SCFD2: variants seen among roughly 807,000 people sequenced by gnomAD.
The protein encoded by SCFD2 is sec1 family domain-containing protein 2.
In SCFD2, 54 loss-of-function variants were observed where a neutral mutation model predicts 58.9. The ratio of observed to expected loss-of-function variants is 0.92; its 90% CI spans 0.74 to 1.15. The LOEUF is 1.15. SCFD2 is among the 50% of genes most tolerant of loss of function. SCFD2 has a pLI of 0.00. For synonymous variants in SCFD2, 321 were observed against 335.9 expected (o/e 0.96, Z 0.49); for missense variants, 805 against 836.6 (o/e 0.96, Z 0.47).
chr4:53,230,279 C>A (rs1295195359), intron 4 of SCFD2, among the ~76,000 whole-genome samples: 1 of 152,124 alleles, frequency 6.6e-6, no homozygotes, highest in Non-Finnish European at 1.5e-5. Context: ...TGGGTATATA[C>A]CCAAAGGATT....
chr4:53,052,521 T>C (rs1310890204), intron 5 of SCFD2, among the ~76,000 whole-genome samples: 2 of 152,172 alleles, frequency 1.3e-5, no homozygotes, highest in African/African-American at 4.8e-5. Context: ...GACTGTGCAT[T>C]ATCAACTGGA....
chr4:53,342,902 GA>G (rs1560457533), intron 2 of SCFD2, among the ~76,000 whole-genome samples: 1 of 152,176 alleles, frequency 6.6e-6, no homozygotes, highest in African/African-American at 2.4e-5. Context: ...GATGTTCTTT[GA>G]AACCAATGAG....
intron 5 of SCFD2, among the ~76,000 whole-genome samples, chr4:53,102,628 TG>T (rs1370778504): frequency 6.6e-6 from 1 of 152,034 alleles, no homozygotes; most frequent in African/African-American, 2.4e-5. Flanking sequence ...TATGAAAATA[TG>T]TTCAATTTTA....
At chr4:52,957,553 C>T (rs1415671940) in intron 5 of SCFD2, 3 of 152,236 alleles carry the variant, frequency 2.0e-5, no homozygotes, top group South Asian at 2.1e-4. Context: ...ACATACTAAC[C>T]GGCTCCAATA....
chr4:52,890,267 A>T (rs1325513319), intron 7 of SCFD2, among the ~76,000 whole-genome samples: 2 of 152,228 alleles, frequency 1.3e-5, no homozygotes, highest in African/African-American at 4.8e-5. Context: ...TCTTGGAAGG[A>T]TGTATTGACA....
chr4:53,196,456 C>G (rs765992659), intron 4 of SCFD2, among the ~76,000 whole-genome samples: 1 of 152,044 alleles, frequency 6.6e-6, no homozygotes, highest in Non-Finnish European at 1.5e-5. Context: ...CCAATGAACC[C>G]CATGGTTTTT....
At chr4:53,334,915 G>C (rs939804419) in intron 2 of SCFD2, among the ~76,000 whole-genome samples, 1 of 152,054 alleles carries the variant, frequency 6.6e-6, no homozygotes, top group African/African-American at 2.4e-5. Flanking sequence ...GCAATAAACA[G>C]GCAGGGCGCG....
At chr4:53,145,203 A>C in intron 5 of SCFD2, 130 bp downstream of exon 5, 4 of 1,150,920 alleles carry the variant, frequency 3.5e-6, no homozygotes, top group South Asian at 3.0e-5. Flanking sequence ...GCTAGCATTC[A>C]TCAGGCCTCA....
rs183852300 is a variant in SCFD2 at position 52,899,969 on chromosome 4, C to T, written c.1842+7488G>A. Among the ~76,000 whole-genome samples the T allele has an allele frequency of 4.9e-3, 742 of 152,274 alleles. 8 individuals are homozygous for T. The highest frequency in any genetic ancestry group is 0.016 in the African/African-American group (658 of 41,546). On this transcript the variant is annotated intron_variant, in intron 7 of 8. Coordinates refer to ENST00000401642, the MANE Select transcript of SCFD2 (RefSeq NM_152540.4). ...GTTACTTAGGCTTGTGCATTCGTCACGTAGTTCTCGTGCCGTGGTTGTCAG... is the reference window on the plus strand; with the variant it reads ...GTTACTTAGGCTTGTGCATTCGTCATGTAGTTCTCGTGCCGTGGTTGTCAG...
At chr4:53,147,254 C>G (rs1156333569) in intron 4 of SCFD2, among the ~76,000 whole-genome samples, 1 of 152,100 alleles carries the variant, frequency 6.6e-6, no homozygotes, top group Admixed American at 6.5e-5. Context: ...TAAAGAAATA[C>G]CAATAGAAAC....
intron 5 of SCFD2, among the ~76,000 whole-genome samples, chr4:53,104,692 C>T (rs1724934895): frequency 6.6e-6 from 1 of 152,096 alleles, no homozygotes; most frequent in African/African-American, 2.4e-5. Flanking sequence ...CATCTAAAAC[C>T]ATTCTAAAAA....
At chr4:53,120,509 T>C (rs1042045617) in intron 5 of SCFD2, among the ~76,000 whole-genome samples, 1 of 152,182 alleles carries the variant, frequency 6.6e-6, no homozygotes, top group Non-Finnish European at 1.5e-5. Flanking sequence ...GATAGAAGCA[T>C]TAATAACTTG....
intron 5 of SCFD2, among the ~76,000 whole-genome samples, chr4:52,989,433 T>C (rs1157679642): frequency 3.9e-5 from 6 of 152,352 alleles, no homozygotes; most frequent in African/African-American, 9.6e-5. Context: ...TTTAATATTA[T>C]ATGATAGTGT....
At chr4:52,987,373 G>C (rs1020307026) in intron 5 of SCFD2, among the ~76,000 whole-genome samples, 1 of 152,196 alleles carries the variant, frequency 6.6e-6, no homozygotes, top group Admixed American at 6.5e-5. Context: ...TTTTGTTGTA[G>C]TTATTTAATA....
chr4:52,964,041 G>A (rs921491850), intron 5 of SCFD2, among the ~76,000 whole-genome samples: 10 of 152,096 alleles, frequency 6.6e-5, no homozygotes, highest in African/African-American at 2.4e-4. Context: ...ATAATATAAA[G>A]ATTGTATTCA....
chr4:53,365,345 G>A lies in SCFD2; in HGVS notation c.597C>T (p.Ser199=). 1 of 1,614,164 alleles carries A rather than the reference G, an allele frequency of 6.2e-7. No individual in the cohort carries two copies. Among genetic ancestry groups the A allele is most frequent in the Non-Finnish European group, 8.5e-7 (1 of 1,180,032 alleles). The change falls in exon 1 of 9, where the codon AGC becomes AGT. Residue 199 remains serine, a synonymous_variant. Transcript: ENST00000401642. The surrounding 1 kb of genome is among the most constrained non-coding windows in gnomAD (Gnocchi z 4.3). ...SARPDKRKLG[S]LGDVDSTTLT... ...GCGTAGTGGAGTCCACATCACCCAG[G>A]CTTCCCAGCTTCCTCTTGTCCGGTC...
intron 5 of SCFD2, among the ~76,000 whole-genome samples, chr4:53,052,055 A>G (rs1723202639): frequency 6.6e-6 from 1 of 152,204 alleles, no homozygotes; most frequent in African/African-American, 2.4e-5. Context: ...TATTTTTAAA[A>G]TGCAAAAATA....
chr4:52,930,578 C>T (rs550951382), intron 5 of SCFD2, among the ~76,000 whole-genome samples: 1 of 152,242 alleles, frequency 6.6e-6, no homozygotes, highest in Admixed American at 6.5e-5. Context: ...ATAACCCCAA[C>T]TATTTCTAAA....
chr4:53,153,670 G>A (rs1726578684), intron 4 of SCFD2, among the ~76,000 whole-genome samples: 1 of 152,168 alleles, frequency 6.6e-6, no homozygotes, highest in African/African-American at 2.4e-5. Context: ...TCCACAGTCT[G>A]CTTGTATTCC....
Sources: allele counts gnomAD v4.1 joint callset (sites outside exome capture counted in the v4.1 genomes callset), GRCh38; gene constraint gnomAD v4.1.1; non-coding constraint Gnocchi (gnomAD v3.1); transcripts MANE v1.5; gene names NCBI Gene and HGNC (gene_info 2026-07-23, HGNC 2026-07-21).